BTD: variants seen among roughly 807,000 people sequenced by gnomAD.
The protein encoded by BTD is biotinidase.
A neutral mutation model predicts 17.7 loss-of-function variants in BTD; 13 were observed. The ratio of observed to expected loss-of-function variants is 0.74; its 90% CI spans 0.48 to 1.17. The LOEUF (loss-of-function observed/expected upper bound fraction) is 1.17, where lower values mean the gene tolerates loss of function less well. Among genes scored for constraint, BTD ranks in the 50% most tolerant of loss-of-function variants. BTD has a pLI of 0.00. For missense variants in BTD, 674 were observed against 650.4 expected (o/e 1.04, Z -0.39); for synonymous variants, 240 against 245.2 (o/e 0.98, Z 0.20).
chr3:15,677,081 A>G, intron 3 of BTD: 1 of 1,589,404 alleles, frequency 6.3e-7, no homozygotes, highest in Non-Finnish European at 8.6e-7. Flanking sequence ...GATAAGTTAT[A>G]AAAACTTGAG....
At chr3:15,603,330 C>T (rs2064336124) in intron 1 of BTD, among the ~76,000 whole-genome samples, 1 of 152,180 alleles carries the variant, frequency 6.6e-6, no homozygotes. Flanking sequence ...TGAGACAAGG[C>T]AAGTCCCTTC....
intron 3 of BTD, chr3:15,696,267 T>A: frequency 4.2e-6 from 6 of 1,412,246 alleles, no homozygotes; most frequent in East Asian, 2.4e-5. Context: ...AACAACAACA[T>A]ACTGAAAATC....
intron 3 of BTD, among the ~76,000 whole-genome samples, chr3:15,698,483 A>G (rs2070025498): frequency 6.6e-6 from 1 of 152,268 alleles, no homozygotes; most frequent in Non-Finnish European, 1.5e-5. Context: ...ATGTATATTT[A>G]GAAAACCCCA....
rs1482104070 is a variant in BTD, at chr3:15,635,433, C to A, written c.-7C>A. 6.2e-7 allele frequency: 1 copy of A among 1,614,234 alleles called. No homozygotes were observed. Among genetic ancestry groups the A allele is most frequent in the East Asian group, 2.2e-5 (1 of 44,892 alleles). On this transcript the variant is annotated 5_prime_UTR_variant, in exon 2 of 4. It adds an upstream start codon to the 5' untranslated region. Transcript: ENST00000643237. The surrounding 1 kb of genome is among the most constrained non-coding windows in gnomAD (Gnocchi z 4.1). ...CCCCATTACATTCCAGATTTGTGGT[C>A]TGCATTATGTCTGGAGCCAGAAGTA... is the stretch of plus-strand genomic sequence containing the variant.
intron 1 of BTD, among the ~76,000 whole-genome samples, chr3:15,624,819 G>A (rs1217138748): frequency 3.9e-5 from 6 of 152,186 alleles, no homozygotes; most frequent in South Asian, 4.2e-4. Context: ...TGCAACCTCC[G>A]CCTCCTGGGT....
intron 3 of BTD, among the ~76,000 whole-genome samples, chr3:15,707,020 T>C (rs559745044): frequency 3.9e-5 from 6 of 152,352 alleles, no homozygotes; most frequent in Admixed American, 3.3e-4. Context: ...AAAGAGTTTA[T>C]ACTAAATTAA....
At chr3:15,663,273 C>T (rs1054759155) in intron 3 of BTD, among the ~76,000 whole-genome samples, 2 of 152,206 alleles carry the variant, frequency 1.3e-5, no homozygotes, top group Non-Finnish European at 2.9e-5. Context: ...GGATTACAGG[C>T]GTGAGCCGCC....
At chr3:15,601,738 G>T (rs1196729104), upstream of BTD, 7 of 1,580,830 alleles carry the variant, frequency 4.4e-6, no homozygotes, top group East Asian at 1.6e-4. Context: ...AGGGAGGCGG[G>T]ACTAGCAGGA....
intron 3 of BTD, among the ~76,000 whole-genome samples, chr3:15,692,699 GA>G (rs2068968909): frequency 6.6e-6 from 1 of 152,132 alleles, no homozygotes; most frequent in Non-Finnish European, 1.5e-5. Flanking sequence ...AGTAACTTCT[GA>G]AAACCTCCTA....
chr3:15,640,264 G>T lies in BTD; in HGVS notation c.250-1644G>T, dbSNP rs140559634. Among the ~76,000 whole-genome samples, 681 of 152,230 alleles carry T rather than the reference G, an allele frequency of 4.5e-3. 7 individuals carry two copies. The highest frequency in any genetic ancestry group is 0.015 in the South Asian group (74 of 4,824). On this transcript the variant is annotated intron_variant, in intron 2 of 3. Transcript: ENST00000643237. Reference sequence around the variant, plus strand: ...GTGTTTTGAGCACACTATGCAGATGGTCACCACAGTTTTCTTTTTATTACA... The same window carrying T: ...GTGTTTTGAGCACACTATGCAGATGTTCACCACAGTTTTCTTTTTATTACA...
At chr3:15,714,665 G>GA (rs1429852480), downstream of BTD, 11 of 1,571,798 alleles carry the variant, frequency 7.0e-6, 1 homozygote, top group Middle Eastern at 3.4e-4. Context: ...CTCTGGGGGG[G>GA]GAAGAAAAAA....
chr3:15,689,612 G>C (rs2068552640), intron 3 of BTD, among the ~76,000 whole-genome samples: 1 of 152,208 alleles, frequency 6.6e-6, no homozygotes, highest in African/African-American at 2.4e-5. Flanking sequence ...GTGTGGGACA[G>C]GCTGGAGCAT....
intron 3 of BTD, among the ~76,000 whole-genome samples, chr3:15,699,362 C>T (rs942155543): frequency 2.6e-5 from 4 of 152,118 alleles, no homozygotes; most frequent in Admixed American, 6.5e-5. Flanking sequence ...ACACCAAAAG[C>T]AATAGCAACA....
chr3:15,681,787 A>G (rs1357647700), intron 3 of BTD, among the ~76,000 whole-genome samples: 1 of 152,210 alleles, frequency 6.6e-6, no homozygotes, highest in African/African-American at 2.4e-5. Context: ...CAATGCCTAC[A>G]GACATTTTTG....
chr3:15,695,385 A>C (rs2069384374), intron 3 of BTD, among the ~76,000 whole-genome samples: 1 of 152,136 alleles, frequency 6.6e-6, no homozygotes, highest in Non-Finnish European at 1.5e-5. Flanking sequence ...CGTCAAATCT[A>C]TATACATAGG....
intron 3 of BTD, among the ~76,000 whole-genome samples, chr3:15,700,091 C>T (rs567355241): frequency 6.6e-6 from 1 of 152,270 alleles, no homozygotes; most frequent in Non-Finnish European, 1.5e-5. Context: ...TGCAGGGACA[C>T]AGATGAAGCT....
intron 4 of BTD, among the ~76,000 whole-genome samples, chr3:15,718,466 A>C (rs1297360778): frequency 6.6e-6 from 1 of 152,174 alleles, no homozygotes; most frequent in East Asian, 1.9e-4. Context: ...TGAGCATTTT[A>C]CTCTAAGTGG....
At chr3:15,658,618 T>G (rs892878888), downstream of BTD, among the ~76,000 whole-genome samples, 1 of 151,998 alleles carries the variant, frequency 6.6e-6, no homozygotes, top group Non-Finnish European at 1.5e-5. Context: ...CCCTGCCCAA[T>G]AGCAAGGCTG....
chr3:15,696,061 T>G, intron 3 of BTD: 1 of 1,028,074 alleles, frequency 9.7e-7, no homozygotes, highest in Non-Finnish European at 1.4e-6. Context: ...CTTGATCCAT[T>G]TATTCTCATT....
Sources: gnomAD v4.1 joint callset for allele counts (sites outside exome capture counted in the v4.1 genomes callset) on GRCh38, gnomAD v4.1.1 for gene constraint, Gnocchi (gnomAD v3.1) non-coding constraint, MANE v1.5 for transcripts, NCBI Gene and HGNC (gene_info 2026-07-23, HGNC 2026-07-21) for gene names.